Variants in KDM1B observed in about 807,000 individuals in gnomAD.
The protein encoded by KDM1B is lysine demethylase 1B.
Under a neutral mutation model 107.4 loss-of-function variants are expected in KDM1B, and 63 were observed. The observed-to-expected ratio is 0.59, with a 90% CI of 0.48 to 0.72. KDM1B has a LOEUF of 0.72. Among genes scored for constraint, KDM1B ranks in the 30% least tolerant of loss-of-function variants. KDM1B has a pLI of 0.00. For missense variants in KDM1B, 749 were observed against 1,020.8 expected (o/e 0.73, Z 3.63); for synonymous variants, 363 against 363.9 (o/e 1.00, Z 0.03).
intron 16 of KDM1B, among the ~76,000 whole-genome samples, chr6:18,207,877 A>G (rs1788496277): frequency 6.6e-6 from 1 of 152,186 alleles, no homozygotes; most frequent in Non-Finnish European, 1.5e-5. Context: ...GGGGGTGATT[A>G]CTTAACTGTA....
chr6:18,219,944 A>C (rs1199149359), intron 21 of KDM1B, among the ~76,000 whole-genome samples: 1 of 152,180 alleles, frequency 6.6e-6, no homozygotes, highest in Admixed American at 6.5e-5. Context: ...CACATCTCTG[A>C]GGAGTTGCAG....
intron 7 of KDM1B, among the ~76,000 whole-genome samples, chr6:18,174,272 T>A (rs1391205407): frequency 1.3e-5 from 2 of 152,070 alleles, no homozygotes; most frequent in African/African-American, 2.4e-5. Context: ...TTGTTTTGGC[T>A]ATTCTAGGAC....
In KDM1B at chr6:18,208,236, A is replaced by G. The variant is rs754570038; in HGVS notation, c.1866+30A>G. On this transcript the variant is annotated intron_variant, in intron 17 of 21. Transcript: ENST00000650836. ...GAGCTAGGGCAGTACAAGGGTGGGTAGAAACCTTTGCTGCCAGGGGCTTGG... is the reference window on the plus strand; with the variant it reads ...GAGCTAGGGCAGTACAAGGGTGGGTGGAAACCTTTGCTGCCAGGGGCTTGG... 3 of 1,529,876 alleles carry G rather than the reference A, an allele frequency of 2.0e-6. No homozygotes were observed. The South Asian group carries it at 3.5e-5, about 18-fold the overall frequency. 94.8% of individuals were successfully genotyped at this position (1,529,876 alleles called of 1,614,324 possible).
chr6:18,173,303 A>G (rs1055250747), intron 7 of KDM1B, among the ~76,000 whole-genome samples: 1 of 152,078 alleles, frequency 6.6e-6, no homozygotes, highest in Non-Finnish European at 1.5e-5. Flanking sequence ...GGTGATCTTG[A>G]GTATATTTTC....
intron 6 of KDM1B, among the ~76,000 whole-genome samples, chr6:18,169,769 C>T (rs141529578): frequency 5.9e-5 from 9 of 151,934 alleles, no homozygotes; most frequent in East Asian, 1.9e-4. Context: ...TGAGTGCTTA[C>T]GTTTAGGTAT....
intron 7 of KDM1B, among the ~76,000 whole-genome samples, chr6:18,183,867 T>TTA (rs202044834): frequency 0.016 from 2,501 of 152,150 alleles, 39 homozygotes; most frequent in Non-Finnish European, 0.024. Context: ...TTTTTGGCTG[T>TTA]TACATACAAA....
chr6:18,166,031 T>G (rs955730876), intron 5 of KDM1B, among the ~76,000 whole-genome samples: 9 of 152,020 alleles, frequency 5.9e-5, no homozygotes, highest in African/African-American at 2.2e-4. Context: ...GAAAAAAATT[T>G]AATTTCTCTT....
rs893949078 is a variant in KDM1B, at chr6:18,185,869, C to A, written c.573+59C>A. On this transcript the variant is annotated intron_variant, in intron 8 of 21. Coordinates refer to ENST00000650836, the MANE Select transcript of KDM1B (RefSeq NM_001364614.2). ...ATTGTGCCTTTGATGATAAGTGTTA[C>A]AAGGAAATGATAGTAACAGCTTCAT... 48 of 1,493,206 alleles carry A rather than the reference C, an allele frequency of 3.2e-5. No homozygotes were observed. In the Admixed American group the frequency reaches 7.8e-4, roughly 24 times the overall value. The allele number at this position is 1,493,206 out of a possible 1,614,324, so 92.5% of individuals were successfully genotyped here.
At chr6:18,196,741 A>C (rs543073550) in intron 10 of KDM1B, among the ~76,000 whole-genome samples, 1 of 152,324 alleles carries the variant, frequency 6.6e-6, no homozygotes, top group South Asian at 2.1e-4. Flanking sequence ...TAGCATTTAC[A>C]TTGTATTAGG....
chr6:18,183,894 C>A (rs1786654167), intron 7 of KDM1B, among the ~76,000 whole-genome samples: 1 of 152,016 alleles, frequency 6.6e-6, no homozygotes, highest in South Asian at 2.1e-4. Flanking sequence ...TGTGAGCATT[C>A]TTGCCTGGCA....
At chr6:18,184,691 TC>T (rs546102007) in intron 7 of KDM1B, among the ~76,000 whole-genome samples, 101 of 151,464 alleles carry the variant, frequency 6.7e-4, no homozygotes, top group African/African-American at 2.3e-3. Flanking sequence ...AATTTAAGTG[TC>T]CATTGTACTG....
In KDM1B at chr6:18,207,429, T is replaced by A. The variant is rs373020156; in HGVS notation, c.1691T>A (p.Phe564Tyr). 1.2e-6 allele frequency: 2 copies of A among 1,614,094 alleles called. No individual in the cohort carries two copies. Among genetic ancestry groups the A allele is most frequent in the Non-Finnish European group, 1.7e-6 (2 of 1,180,044 alleles). ...VSARSWDHNE[F>Y]FAQFAGDHTL... ...GCTCGCTCGTGGGACCACAATGAAT[T>A]CTTTGCCCAGTTTGCTGGTGACCAC... Residue 564 changes from phenylalanine to tyrosine, a missense_variant, in exon 16 of 22, where the codon TTC (phenylalanine) becomes TAC (tyrosine). Transcript: ENST00000650836.
chr6:18,220,532 T>A (rs1020183729), intron 21 of KDM1B, among the ~76,000 whole-genome samples: 1 of 151,824 alleles, frequency 6.6e-6, no homozygotes, highest in Non-Finnish European at 1.5e-5. Context: ...GGAGACAGAG[T>A]GAGACTCTTT....
rs189556790 is a variant in KDM1B at position 18,217,512 on chromosome 6, G to C, written c.2233-221G>C. On this transcript the variant is annotated intron_variant, in intron 20 of 21. Transcript: ENST00000650836. ...TCCTGACTCAGCCTCCCGAGTAGCT[G>C]GGACTACAGGCGCCTGCCATCATGC... is the stretch of plus-strand genomic sequence containing the variant. 4.5e-3 allele frequency among the ~76,000 whole-genome samples: 684 copies of C among 151,840 alleles called. 4 individuals are homozygous for C. The highest frequency in any genetic ancestry group is 0.015 in the African/African-American group (629 of 41,386).
intron 2 of KDM1B, among the ~76,000 whole-genome samples, chr6:18,158,061 C>T (rs1220427392): frequency 1.3e-5 from 2 of 152,098 alleles, no homozygotes; most frequent in African/African-American, 4.8e-5. Context: ...GATCCGCCCA[C>T]CTCAGCCTCC....
rs1245242408 is a variant in KDM1B, at chr6:18,212,258, C to T, written c.1867-230C>T. ...CCGCACCTGGCCTCTGCTGACTCTT[C>T]TTATCTAAGATGATTATTCACCATC... On this transcript the variant is annotated intron_variant, in intron 17 of 21. Transcript: ENST00000650836. The surrounding 1 kb of genome is among the most constrained non-coding windows in gnomAD (Gnocchi z 5.2). 3.8e-6 allele frequency: 2 copies of T among 526,914 alleles called. No homozygotes were observed. Among genetic ancestry groups the T allele is most frequent in the African/African-American group, 3.8e-5 (2 of 52,236 alleles). The allele number at this position is 526,914 out of a possible 1,614,324, so 32.6% of individuals were successfully genotyped here. A position where few individuals can be genotyped will look rare whatever the true frequency, so the allele number is the denominator to read the frequency against.
At chr6:18,219,346 G>T (rs1789497401) in intron 21 of KDM1B, among the ~76,000 whole-genome samples, 1 of 152,096 alleles carries the variant, frequency 6.6e-6, no homozygotes, top group African/African-American at 2.4e-5. Flanking sequence ...AAATAAAGAT[G>T]AGTTTTTTCT....
rs1301361755 is a variant in KDM1B, at chr6:18,205,401, C to T, written c.1532-136C>T. On this transcript the variant is annotated intron_variant, in intron 14 of 21. Coordinates refer to ENST00000650836, the MANE Select transcript of KDM1B (RefSeq NM_001364614.2). The surrounding 1 kb of genome is among the most constrained non-coding windows in gnomAD (Gnocchi z 5.7). ...AATGGACCTTATCAAGAGATCTTTTCCCCTCTGACTTTACTTGGGAAAAGA... is the reference window on the plus strand; with the variant it reads ...AATGGACCTTATCAAGAGATCTTTTTCCCTCTGACTTTACTTGGGAAAAGA... 4.3e-5 allele frequency: 28 copies of T among 647,818 alleles called. No individual in the cohort carries two copies. Among genetic ancestry groups the T allele is most frequent in the Non-Finnish European group, 6.6e-5 (27 of 407,584 alleles). The allele number at this position is 647,818 out of a possible 1,614,324, so 40.1% of individuals were successfully genotyped here.
At position 18,215,009 on chromosome 6, in the gene KDM1B, G is replaced by A; in HGVS notation, c.2112G>A (p.Lys704=). 4 of 1,613,844 alleles carry A rather than the reference G, an allele frequency of 2.5e-6. No homozygotes were observed. Among genetic ancestry groups the A allele is most frequent in the Non-Finnish European group, 3.4e-6 (4 of 1,179,876 alleles). Residue 704 remains lysine, a splice_region_variant and synonymous_variant, in exon 20 of 22, where the codon AAG becomes AAA. Coordinates refer to ENST00000650836, the MANE Select transcript of KDM1B (RefSeq NM_001364614.2). ...FAVFYDMDPQ[K]KHSVLMSVIA... is the part of the protein sequence containing the mutation. ...TGCTTTTCCTTTCATGTCTCCAGAA[G>A]AAGCACAGCGTGCTGATGTCTGTGA...
Sources: gnomAD v4.1 joint callset for allele counts (sites outside exome capture counted in the v4.1 genomes callset) on GRCh38, gnomAD v4.1.1 for gene constraint, Gnocchi (gnomAD v3.1) non-coding constraint, MANE v1.5 for transcripts, NCBI Gene and HGNC (gene_info 2026-07-23, HGNC 2026-07-21) for gene names.